The following SKIC3 variants were observed in gnomAD, a reference collection of about 807,000 sequenced individuals.
The protein encoded by SKIC3 is SKI3 subunit of superkiller complex.
the SKIC3 span, chr5:95,478,568 G>A: frequency 5.3e-6 from 7 of 1,319,568 alleles, no homozygotes; most frequent in Non-Finnish European, 7.4e-6. Flanking sequence ...GGTAAGTTCT[G>A]TGCCCAAAAA....
chr5:95,517,206 A>G, the SKIC3 span: 2 of 1,613,268 alleles, frequency 1.2e-6, no homozygotes, highest in Non-Finnish European at 1.7e-6. Context: ...TTTCTGACCT[A>G]GAAGGACTCC....
chr5:95,508,773 G>A, the SKIC3 span, among the ~76,000 whole-genome samples: 1 of 152,070 alleles, frequency 6.6e-6, no homozygotes, highest in African/African-American at 2.4e-5. Flanking sequence ...TTAATTTACT[G>A]CAAAATAATC....
the SKIC3 span, among the ~76,000 whole-genome samples, chr5:95,465,054 A>G: frequency 6.7e-6 from 1 of 150,126 alleles, no homozygotes; most frequent in African/African-American, 2.5e-5. Flanking sequence ...CAGCCTTCCA[A>G]GCAGCTGGGA....
chr5:95,530,987 T>A, the SKIC3 span, among the ~76,000 whole-genome samples: 1 of 151,908 alleles, frequency 6.6e-6, no homozygotes, highest in Non-Finnish European at 1.5e-5. Context: ...GTTTAATAAA[T>A]CATTTAATCA....
At chr5:95,523,243 T>C in the SKIC3 span, 2 of 1,613,928 alleles carry the variant, frequency 1.2e-6, no homozygotes, top group Non-Finnish European at 8.5e-7. Flanking sequence ...TCAAATAGTA[T>C]AGTCCTCGCC....
the SKIC3 span, chr5:95,536,626 T>C: frequency 1.8e-6 from 1 of 564,986 alleles, no homozygotes; most frequent in South Asian, 2.2e-5. Context: ...AATTCTTCTG[T>C]ATTACTGTAC....
At chr5:95,529,156 A>G in the SKIC3 span, 1 of 1,461,810 alleles carries the variant, frequency 6.8e-7, no homozygotes, top group South Asian at 1.1e-5. Context: ...TACATAGATG[A>G]ACAGCACCAA....
At chr5:95,503,864 C>T in the SKIC3 span, 12 of 1,613,824 alleles carry the variant, frequency 7.4e-6, no homozygotes. Flanking sequence ...CAATGCAAAA[C>T]CTATGATGTC....
the SKIC3 span, chr5:95,512,843 A>G: frequency 1.9e-6 from 1 of 514,742 alleles, no homozygotes. Context: ...CAAACGGGAT[A>G]AAATGCAGAA....
At chr5:95,465,013 C>T in the SKIC3 span, among the ~76,000 whole-genome samples, 1 of 149,878 alleles carries the variant, frequency 6.7e-6, no homozygotes, top group Non-Finnish European at 1.5e-5. Flanking sequence ...CTGCAACCTC[C>T]ACCTCCTGGG....
At chr5:95,516,869 G>A in the SKIC3 span, 3 of 1,557,392 alleles carry the variant, frequency 1.9e-6, no homozygotes, top group African/African-American at 4.1e-5. Context: ...TTCGAGAAAA[G>A]CATTATGTTT....
At chr5:95,503,659 T>TA in the SKIC3 span, among the ~76,000 whole-genome samples, 2 of 152,100 alleles carry the variant, frequency 1.3e-5, no homozygotes, top group Non-Finnish European at 2.9e-5. Context: ...AGGTAACAGA[T>TA]AAAAAAGTGC....
chr5:95,547,144 T>C, the SKIC3 span: 4 of 1,612,926 alleles, frequency 2.5e-6, no homozygotes, highest in Non-Finnish European at 2.5e-6. Context: ...ACTTCCTTGC[T>C]GGACATTCTG....
At chr5:95,522,752 A>G in the SKIC3 span, among the ~76,000 whole-genome samples, 5 of 152,190 alleles carry the variant, frequency 3.3e-5, no homozygotes, top group Non-Finnish European at 5.9e-5. Flanking sequence ...TCTAGATACT[A>G]ACATAAACCA....
chr5:95,505,744 T>C, the SKIC3 span, among the ~76,000 whole-genome samples: 1 of 150,350 alleles, frequency 6.7e-6, no homozygotes, highest in South Asian at 2.1e-4. Flanking sequence ...ACCCCAGAGG[T>C]GGAGGTTGCA....
the SKIC3 span, among the ~76,000 whole-genome samples, chr5:95,532,375 A>G: frequency 1.1e-4 from 16 of 152,106 alleles, no homozygotes; most frequent in Non-Finnish European, 2.4e-4. Context: ...ATCTGGGGAG[A>G]CTATGTTCAT....
At chr5:95,513,774 T>C in the SKIC3 span, 1 of 774,342 alleles carries the variant, frequency 1.3e-6, no homozygotes, top group Non-Finnish European at 2.2e-6. Context: ...CCTAAGTTTT[T>C]CACTTCTATT....
At chr5:95,521,958 T>C in the SKIC3 span, 1 of 1,530,050 alleles carries the variant, frequency 6.5e-7, no homozygotes. Context: ...AAAGAAGTCC[T>C]TTTCAAGTTA....
At chr5:95,523,423 C>T in the SKIC3 span, 1 of 1,392,936 alleles carries the variant, frequency 7.2e-7, no homozygotes, top group Non-Finnish European at 9.8e-7. Context: ...TTTCTCACTT[C>T]TGATTTTTTA....
Sources: allele counts gnomAD v4.1 joint callset (sites outside exome capture counted in the v4.1 genomes callset), GRCh38; gene constraint gnomAD v4.1.1; transcripts MANE v1.5; gene names NCBI Gene and HGNC (gene_info 2026-07-23, HGNC 2026-07-21).